The following LAPTM4B variants were observed in gnomAD, a reference collection of about 807,000 sequenced individuals.
The protein encoded by LAPTM4B is lysosomal-associated transmembrane protein 4B.
In LAPTM4B, 26 loss-of-function variants were observed where a neutral mutation model predicts 28.5. The observed-to-expected ratio is 0.91, with a 90% confidence interval of 0.67 to 1.27. The LOEUF is 1.27. Among genes scored for constraint, LAPTM4B ranks in the 50% most tolerant of loss-of-function variants. LAPTM4B has a pLI of 0.00. For missense variants in LAPTM4B, 288 were observed against 285.8 expected (o/e 1.01, Z -0.06); for synonymous variants, 109 against 106.4 (o/e 1.02, Z -0.15).
At chr8:97,847,259 A>G (rs1296372891) in intron 6 of LAPTM4B, among the ~76,000 whole-genome samples, 4 of 152,220 alleles carry the variant, frequency 2.6e-5, no homozygotes, top group African/African-American at 9.6e-5. Flanking sequence ...AAGAAACTGA[A>G]CTTAGATTAG....
intron 6 of LAPTM4B, among the ~76,000 whole-genome samples, chr8:97,837,155 A>G (rs554322896): frequency 6.6e-6 from 1 of 152,034 alleles, no homozygotes; most frequent in Non-Finnish European, 1.5e-5. Flanking sequence ...ATGACTTTCA[A>G]AAATTGTGCA....
intron 1 of LAPTM4B, among the ~76,000 whole-genome samples, chr8:97,783,340 G>A (rs1330125975): frequency 6.6e-6 from 1 of 151,820 alleles, no homozygotes; most frequent in African/African-American, 2.4e-5. Context: ...GTCTTTCAAA[G>A]AATCCACTTG....
chr8:97,836,579 A>G (rs892800405), intron 6 of LAPTM4B, among the ~76,000 whole-genome samples: 7 of 152,020 alleles, frequency 4.6e-5, no homozygotes, highest in African/African-American at 1.7e-4. Context: ...TATTATGTTA[A>G]ATCTAAATGT....
At chr8:97,816,383 C>T (rs766385327) in intron 4 of LAPTM4B, among the ~76,000 whole-genome samples, 14 of 151,730 alleles carry the variant, frequency 9.2e-5, no homozygotes, top group Non-Finnish European at 1.9e-4. Context: ...GATGCGATCT[C>T]GGCTCACTGC....
chr8:97,789,235 G>A (rs183146699), intron 1 of LAPTM4B, among the ~76,000 whole-genome samples: 103 of 151,498 alleles, frequency 6.8e-4, no homozygotes, highest in African/African-American at 2.4e-3. Context: ...CACCACGCCC[G>A]GCTAATTTTT....
intron 6 of LAPTM4B, among the ~76,000 whole-genome samples, chr8:97,840,194 A>G (rs186928681): frequency 6.6e-5 from 10 of 152,324 alleles, no homozygotes; most frequent in Admixed American, 6.5e-4. Flanking sequence ...AATATCCAGT[A>G]TTTACTTAAC....
At chr8:97,843,296 G>A (rs1563623255) in intron 6 of LAPTM4B, among the ~76,000 whole-genome samples, 1 of 152,014 alleles carries the variant, frequency 6.6e-6, no homozygotes, top group Non-Finnish European at 1.5e-5. Flanking sequence ...CTATGGTGGT[G>A]TGTGCCTGTA....
At chr8:97,840,746 A>G (rs1166778809) in intron 6 of LAPTM4B, among the ~76,000 whole-genome samples, 2 of 152,186 alleles carry the variant, frequency 1.3e-5, no homozygotes, top group African/African-American at 4.8e-5. Flanking sequence ...CACACTTAGA[A>G]GGTTGCACAG....
At chr8:97,807,035 T>C (rs988852769) in intron 2 of LAPTM4B, among the ~76,000 whole-genome samples, 5 of 152,206 alleles carry the variant, frequency 3.3e-5, no homozygotes, top group African/African-American at 1.2e-4. Context: ...CCCAGCCATG[T>C]GGAACTGTAA....
intron 1 of LAPTM4B, among the ~76,000 whole-genome samples, chr8:97,780,143 G>T (rs1474518219): frequency 6.6e-6 from 1 of 151,672 alleles, no homozygotes; most frequent in Non-Finnish European, 1.5e-5. Context: ...TAAGAGTCCA[G>T]GCCGGGTACG....
intron 6 of LAPTM4B, among the ~76,000 whole-genome samples, chr8:97,826,926 A>C (rs1223776641): frequency 6.6e-6 from 1 of 152,250 alleles, no homozygotes; most frequent in Admixed American, 6.5e-5. Flanking sequence ...CTAATGAAAA[A>C]TGTAAGCAAG....
At chr8:97,786,132 T>C (rs1340652936) in intron 1 of LAPTM4B, among the ~76,000 whole-genome samples, 2 of 152,162 alleles carry the variant, frequency 1.3e-5, no homozygotes, top group East Asian at 1.9e-4. Context: ...GCAACTCTCC[T>C]TTTCCTCCTC....
chr8:97,831,713 G>A (rs1471901914), intron 6 of LAPTM4B, among the ~76,000 whole-genome samples: 1 of 152,146 alleles, frequency 6.6e-6, no homozygotes, highest in Non-Finnish European at 1.5e-5. Context: ...AGAATAGGTG[G>A]GAGTGATAGA....
intron 1 of LAPTM4B, among the ~76,000 whole-genome samples, chr8:97,781,424 C>G (rs1235712930): frequency 1.3e-5 from 2 of 151,200 alleles, no homozygotes; most frequent in African/African-American, 4.9e-5. Flanking sequence ...ATTACAGGCA[C>G]CCACCACTGC....
At chr8:97,791,822 T>C (rs1179455281) in intron 1 of LAPTM4B, among the ~76,000 whole-genome samples, 1 of 152,170 alleles carries the variant, frequency 6.6e-6, no homozygotes, top group Non-Finnish European at 1.5e-5. Flanking sequence ...GAAGTCTGAG[T>C]CCTCATCTGT....
chr8:97,814,551 T>G (rs7832179), intron 2 of LAPTM4B, among the ~76,000 whole-genome samples: 68,405 of 151,134 alleles, frequency 0.45, 15,900 homozygotes, highest in East Asian at 0.58. Context: ...AAAGAAAAAA[T>G]AAATAAAATA....
intron 6 of LAPTM4B, among the ~76,000 whole-genome samples, chr8:97,831,938 G>T (rs1196628615): frequency 6.6e-6 from 1 of 152,150 alleles, no homozygotes; most frequent in Non-Finnish European, 1.5e-5. Context: ...CCTGCTGCTT[G>T]TTGGTGGGAG....
At chr8:97,800,484 C>CTTTTTTTTTTTTTTTTTTTTT (rs546425169) in intron 1 of LAPTM4B, among the ~76,000 whole-genome samples, 6 of 69,326 alleles carry the variant, frequency 8.7e-5, no homozygotes, top group African/African-American at 4.5e-4. Context: ...CCCTTGACCT[C>CTTTTTTTTTTTTTTTTTTTTT]TTTTTTTTTT....
intron 1 of LAPTM4B, among the ~76,000 whole-genome samples, chr8:97,784,463 G>A (rs957904496): frequency 6.6e-6 from 1 of 151,758 alleles, no homozygotes; most frequent in Non-Finnish European, 1.5e-5. Flanking sequence ...TTTTTGAGAC[G>A]GAGTCTCGCT....
Sources: allele counts gnomAD v4.1 joint callset (sites outside exome capture counted in the v4.1 genomes callset), GRCh38; gene constraint gnomAD v4.1.1; transcripts MANE v1.5; gene names NCBI Gene and HGNC (gene_info 2026-07-23, HGNC 2026-07-21).